Variants in MOK observed in about 807,000 individuals in gnomAD.
MOK encodes MAPK/MAK/MRK overlapping kinase.
A neutral mutation model predicts 54.2 loss-of-function variants in MOK; 59 were observed. The observed-to-expected ratio is 1.09, with a 90% confidence interval of 0.88 to 1.35. The LOEUF (loss-of-function observed/expected upper bound fraction) is 1.35, where lower values mean the gene tolerates loss of function less well. Among genes scored for constraint, MOK ranks in the 40% most tolerant of loss-of-function variants. MOK has a pLI of 0.00. For missense variants in MOK, 517 were observed against 526.2 expected, an observed-to-expected ratio of 0.98 and a Z score of 0.17; for synonymous variants, 210 against 202.7, an observed-to-expected ratio of 1.04 and a Z score of -0.31.
intron 7 of MOK, among the ~76,000 whole-genome samples, chr14:102,250,282 ACACCATT>A (rs967389774): frequency 6.6e-6 from 1 of 151,854 alleles, no homozygotes; most frequent in African/African-American, 2.4e-5. Context: ...CTTCAACTCA[ACACCATT>A]CACCTCGGAG....
At chr14:102,265,712 A>T in intron 3 of MOK, 111 bp downstream of exon 3, 1 of 767,878 alleles carries the variant, frequency 1.3e-6, no homozygotes, top group Non-Finnish European at 2.1e-6. Flanking sequence ...AAAAATGGTT[A>T]CTCTCTGAGC....
Position 102,232,458 on chromosome 14 carries a change from C to T in MOK, c.866+77G>A. The T allele has an allele frequency of 2.0e-6, 3 of 1,501,810 alleles. No homozygotes were observed. Among genetic ancestry groups the T allele is most frequent in the South Asian group, 1.3e-5 (1 of 78,514 alleles). The allele number at this position is 1,501,810 out of a possible 1,614,324, so 93.0% of individuals were successfully genotyped here. On this transcript the variant is annotated intron_variant, in intron 9 of 11. Coordinates refer to ENST00000361847, the MANE Select transcript of MOK (RefSeq NM_014226.3). This position sits in a 1 kb window ranked among gnomAD's most constrained non-coding sequence, Gnocchi z 5.1. ...ACCAGGGACCCTCCAGGGGGCAGTA[C>T]CTTGCCCCACCATGTGCCCATGGGT...
At chr14:102,224,396 G>A (rs1474824990), downstream of MOK, 1 of 360,548 alleles carries the variant, frequency 2.8e-6, no homozygotes. Context: ...TGAGTTTAGG[G>A]CATCCCACAC....
At chr14:102,294,459 A>T (rs1014518954) in intron 1 of MOK, among the ~76,000 whole-genome samples, 1 of 150,726 alleles carries the variant, frequency 6.6e-6, no homozygotes, top group South Asian at 2.1e-4. Context: ...AAAAAAAAAA[A>T]AAAAAATTAG....
intron 7 of MOK, among the ~76,000 whole-genome samples, chr14:102,248,057 T>C (rs1020703210): frequency 6.6e-6 from 1 of 152,220 alleles, no homozygotes; most frequent in Admixed American, 6.5e-5. Context: ...CGGCAGTCCC[T>C]ACTGTCCAGC....
At position 102,240,320 on chromosome 14, in the gene MOK, G is replaced by A. The variant is rs2153096792; in HGVS notation, c.591-6531C>T. ...GTGGTCTCTTCACAGGGACGCGCGTGACATTTGGTGCCGAAACCCGGGACA... is the reference window on the plus strand; with the variant it reads ...GTGGTCTCTTCACAGGGACGCGCGTAACATTTGGTGCCGAAACCCGGGACA... On this transcript the variant is annotated intron_variant, in intron 7 of 11. Coordinates refer to ENST00000361847, the MANE Select transcript of MOK (RefSeq NM_014226.3). The surrounding 1 kb of genome is among the most constrained non-coding windows in gnomAD (Gnocchi z 5.4). The A allele has an allele frequency of 6.6e-6, 1 of 152,664 alleles. No individual in the cohort carries two copies. The highest frequency in any genetic ancestry group is 6.5e-5 in the Admixed American group (1 of 15,308). 9.5% of individuals were successfully genotyped at this position (152,664 alleles called of 1,614,324 possible).
chr14:102,270,460 C>T (rs976330887), intron 2 of MOK, among the ~76,000 whole-genome samples: 4 of 151,990 alleles, frequency 2.6e-5, no homozygotes, highest in African/African-American at 9.7e-5. Context: ...ATTAGCCAAG[C>T]GTGGTGGCAG....
At chr14:102,274,840 T>C (rs560014726) in intron 2 of MOK, among the ~76,000 whole-genome samples, 155 of 151,604 alleles carry the variant, frequency 1.0e-3, no homozygotes, top group African/African-American at 3.6e-3. Context: ...CCAGGCATGG[T>C]GGTGGGTGCC....
chr14:102,226,315 C>T, downstream of MOK: 1 of 702,988 alleles, frequency 1.4e-6, no homozygotes, highest in Non-Finnish European at 2.6e-6. The surrounding 1 kb of genome is among the most constrained non-coding windows in gnomAD (Gnocchi z 4.8). Flanking sequence ...TGCGGCCGGG[C>T]AGCATGCAGG....
chr14:102,296,866 T>C (rs1459684476), intron 1 of MOK, among the ~76,000 whole-genome samples: 1 of 151,890 alleles, frequency 6.6e-6, no homozygotes, highest in Non-Finnish European at 1.5e-5. Context: ...GAGACAAGCC[T>C]GGCCAATATG....
rs2066563165 is a variant in MOK at position 102,251,956 on chromosome 14, T to C, written c.323A>G (p.Tyr108Cys). 1 of 1,607,482 alleles carries C rather than the reference T, an allele frequency of 6.2e-7. No homozygotes were observed. Among genetic ancestry groups the C allele is most frequent in the African/African-American group, 1.3e-5 (1 of 74,732 alleles). ...YPLSEKKIMH[Y>C]MYQLCKSLDH... ...CAGGGACTTACATAACTGGTACATA[T>C]AGTGCATAATTTTTTTTTCTGATAA... Residue 108 changes from tyrosine (Y) to cysteine (C), a missense_variant, in exon 5 of 12, where the codon TAT becomes TGT. Physicochemically the swap from Tyr to Cys is radical, Grantham distance 194 (BLOSUM62 -2). Coordinates refer to ENST00000361847, the MANE Select transcript of MOK (RefSeq NM_014226.3).
the MOK span, among the ~76,000 whole-genome samples, chr14:102,215,981 T>C: frequency 1.3e-5 from 2 of 152,314 alleles, no homozygotes; most frequent in African/African-American, 2.4e-5. Flanking sequence ...CCTCAGGCCC[T>C]TGTGCTCCCA....
chr14:102,263,956 C>T (rs2067678022), intron 3 of MOK: 1 of 198,348 alleles, frequency 5.0e-6, no homozygotes, highest in Non-Finnish European at 1.0e-5. Flanking sequence ...TGGCTCACGC[C>T]TGTAATCCCA....
At position 102,276,076 on chromosome 14, in the gene MOK, C is replaced by G. The variant is rs78279811; in HGVS notation, c.122+7402G>C. On this transcript the variant is annotated intron_variant, in intron 2 of 11. Coordinates refer to ENST00000361847, the MANE Select transcript of MOK (RefSeq NM_014226.3). ...ATCGGGGAAGTAGAAACTAAAACTA[C>G]CATGAGATAATTCCACACAATCATC... 5.7e-3 allele frequency among the ~76,000 whole-genome samples: 865 copies of G among 152,232 alleles called. 18 individuals are homozygous for G. The highest frequency in any genetic ancestry group is 0.035 in the East Asian group (180 of 5,190).
At chr14:102,272,426 G>A (rs914899558) in intron 2 of MOK, among the ~76,000 whole-genome samples, 4 of 151,466 alleles carry the variant, frequency 2.6e-5, no homozygotes, top group African/African-American at 7.3e-5. Context: ...GCAGTGAGCC[G>A]AGATCACGCC....
chr14:102,304,901 A>AG, intron 1 of MOK, 61 bp downstream of exon 1: 1 of 748,506 alleles, frequency 1.3e-6, no homozygotes. Context: ...AAGCTCCCCC[A>AG]GTCCCTCCCT....
At chr14:102,239,696 C>T (rs1415825445) in intron 7 of MOK, among the ~76,000 whole-genome samples, 2 of 152,142 alleles carry the variant, frequency 1.3e-5, no homozygotes, top group Non-Finnish European at 2.9e-5. Flanking sequence ...TGGTGAAACC[C>T]CTTCTCTACT....
rs111545016 is a variant in MOK at position 102,283,223 on chromosome 14, A to G, written c.122+255T>C. 558 of 340,364 alleles carry G rather than the reference A, an allele frequency of 1.6e-3. 4 individuals carry two copies. Among genetic ancestry groups the G allele is most frequent in the African/African-American group, 7.7e-3 (365 of 47,352 alleles). The allele number at this position is 340,364 out of a possible 1,614,324, so 21.1% of individuals were successfully genotyped here. A position where few individuals can be genotyped will look rare whatever the true frequency, so the allele number is the denominator to read the frequency against. The stretch of plus-strand genomic sequence containing the variant: ...ATTTATAACTTTTAGGAACATACAG[A>G]CTGTTTAAGGTGAGACACACTTTTG... On this transcript the variant is annotated intron_variant, in intron 2 of 11. Transcript: ENST00000361847.
intron 1 of MOK, among the ~76,000 whole-genome samples, chr14:102,300,969 C>T (rs1427610758): frequency 6.6e-6 from 1 of 152,040 alleles, no homozygotes; most frequent in Non-Finnish European, 1.5e-5. Context: ...TGGTGGTGCG[C>T]CTAAAATCCC....
Sources: allele counts gnomAD v4.1 joint callset (sites outside exome capture counted in the v4.1 genomes callset), GRCh38; gene constraint gnomAD v4.1.1; non-coding constraint Gnocchi (gnomAD v3.1); transcripts MANE v1.5; gene names NCBI Gene and HGNC (gene_info 2026-07-23, HGNC 2026-07-21).